RBFOX1: variants seen among roughly 807,000 people sequenced by gnomAD.
The protein encoded by RBFOX1 is RNA binding fox-1 homolog 1, also known as RNA binding protein fox-1 homolog 1.
Under a neutral mutation model 57.7 loss-of-function variants are expected in RBFOX1, and 8 were observed. That is an observed-to-expected ratio of 0.14 (90% confidence interval 0.08 to 0.25). The LOEUF is 0.25. RBFOX1 is among the 10% of genes least tolerant of loss of function. RBFOX1 has a pLI of 1.00. For missense variants in RBFOX1, 611 were observed against 548.5 expected (o/e 1.11, Z -1.14); for synonymous variants, 326 against 222.4 (o/e 1.47, Z -4.15).
chr16:7,085,696 A>T (rs996261477), intron 4 of RBFOX1, among the ~76,000 whole-genome samples: 1 of 152,204 alleles, frequency 6.6e-6, no homozygotes, highest in African/African-American at 2.4e-5. Context: ...TGTGGGGATC[A>T]TGTCCGGAGG....
At chr16:5,420,130 C>T (rs13335923) in intron 1 of RBFOX1, among the ~76,000 whole-genome samples, 2,991 of 152,160 alleles carry the variant, frequency 0.02, 114 homozygotes, top group African/African-American at 0.069. Flanking sequence ...TATACAGTGA[C>T]GGGAAAGTAA....
chr16:5,307,481 C>T (rs947434543), intron 1 of RBFOX1, among the ~76,000 whole-genome samples: 6 of 152,160 alleles, frequency 3.9e-5, no homozygotes, highest in Non-Finnish European at 2.9e-5. Context: ...TGGATTCTCT[C>T]TTACCACTTC....
At chr16:6,286,129 G>A (rs1006532214) in intron 1 of RBFOX1, among the ~76,000 whole-genome samples, 6 of 152,110 alleles carry the variant, frequency 3.9e-5, no homozygotes, top group Admixed American at 1.3e-4. Context: ...TCAAAGCAAC[G>A]CTTTGAATAA....
intron 3 of RBFOX1, among the ~76,000 whole-genome samples, chr16:6,913,217 T>C (rs2072167009): frequency 6.6e-6 from 1 of 152,188 alleles, no homozygotes; most frequent in Non-Finnish European, 1.5e-5. Context: ...AAAAACAGGG[T>C]ATCGGAAATT....
At chr16:6,760,470 A>C (rs1208857576) in intron 3 of RBFOX1, among the ~76,000 whole-genome samples, 1 of 152,364 alleles carries the variant, frequency 6.6e-6, no homozygotes, top group Admixed American at 6.5e-5. Context: ...AGAAAAAATA[A>C]GATAAAATAC....
At chr16:6,664,937 C>T (rs1459163866) in intron 3 of RBFOX1, among the ~76,000 whole-genome samples, 1 of 152,166 alleles carries the variant, frequency 6.6e-6, no homozygotes, top group Non-Finnish European at 1.5e-5. Context: ...AAAACAGGGA[C>T]AGACATCGTT....
intron 1 of RBFOX1, among the ~76,000 whole-genome samples, chr16:5,452,575 C>T (rs1343536991): frequency 6.6e-6 from 1 of 152,116 alleles, no homozygotes; most frequent in East Asian, 1.9e-4. Flanking sequence ...TGCCTTTCAC[C>T]TGCCCTGCCT....
At chr16:5,907,926 C>G (rs551524183) in intron 4 of RBFOX1, among the ~76,000 whole-genome samples, 2 of 151,562 alleles carry the variant, frequency 1.3e-5, no homozygotes, top group African/African-American at 2.4e-5. Context: ...AATTTTTTTA[C>G]TGTTAGTAGA....
intron 2 of RBFOX1, among the ~76,000 whole-genome samples, chr16:6,603,486 C>G (rs1423703678): frequency 2.0e-5 from 3 of 152,182 alleles, no homozygotes; most frequent in African/African-American, 4.8e-5. Context: ...TGCTTTAGAT[C>G]AGAGCCCTCA....
chr16:5,828,636 T>C (rs1335888722), intron 3 of RBFOX1, among the ~76,000 whole-genome samples: 1 of 151,832 alleles, frequency 6.6e-6, no homozygotes, highest in Non-Finnish European at 1.5e-5. Flanking sequence ...GAGGCAGAGG[T>C]TGCAGTGAGC....
chr16:5,466,824 C>T (rs2068968098), intron 1 of RBFOX1, among the ~76,000 whole-genome samples: 5 of 152,206 alleles, frequency 3.3e-5, no homozygotes, highest in Admixed American at 2.6e-4. Context: ...TCCTTCTTGT[C>T]ATTCCACTCT....
At chr16:5,674,890 T>C (rs1331679227) in intron 3 of RBFOX1, among the ~76,000 whole-genome samples, 2 of 152,132 alleles carry the variant, frequency 1.3e-5, no homozygotes, top group African/African-American at 4.8e-5. Context: ...CTCATGTCTG[T>C]AATCCCAGCA....
At chr16:6,023,171 TCC>T (rs1341554491) in intron 1 of RBFOX1, among the ~76,000 whole-genome samples, 3 of 152,074 alleles carry the variant, frequency 2.0e-5, no homozygotes, top group African/African-American at 7.2e-5. Context: ...TACAGAGTTT[TCC>T]ACTCAGAAAT....
At chr16:7,642,809 C>T (rs2063066185) in intron 11 of RBFOX1, among the ~76,000 whole-genome samples, 1 of 152,156 alleles carries the variant, frequency 6.6e-6, no homozygotes, top group Non-Finnish European at 1.5e-5. Flanking sequence ...CTCTTCAGGG[C>T]TTTGTCTTCT....
Position 5,582,547 on chromosome 16 carries a change from CTTTTT to C in RBFOX1, c.259-16334_259-16330del, listed in dbSNP as rs57853959. Among the ~76,000 whole-genome samples, 723 of 92,860 alleles carry C rather than the reference CTTTTT, an allele frequency of 7.8e-3. 9 individuals are homozygous for C. The highest frequency in any genetic ancestry group is 0.027 in the African/African-American group (685 of 25,292). 60.9% of individuals were successfully genotyped at this position (92,860 alleles called of 152,430 possible). ...ACCCAGGCATTTTCAAAGCACGTCACTTTTTTTTTTTTTTTTTTTTTTTTTAAACG... is the reference window on the plus strand; with the variant it reads ...ACCCAGGCATTTTCAAAGCACGTCACTTTTTTTTTTTTTTTTTTTTAAACG... On this transcript the variant is annotated intron_variant, in intron 2 of 2. Coordinates refer to the RBFOX1 transcript ENST00000585867.
intron 4 of RBFOX1, among the ~76,000 whole-genome samples, chr16:7,423,979 A>G (rs1338690561): frequency 6.6e-6 from 1 of 152,178 alleles, no homozygotes; most frequent in Non-Finnish European, 1.5e-5. Context: ...AAAAGCTAAT[A>G]GGATGGAGAA....
intron 3 of RBFOX1, among the ~76,000 whole-genome samples, chr16:5,842,213 T>G (rs915138798): frequency 2.0e-5 from 3 of 152,110 alleles, no homozygotes; most frequent in Non-Finnish European, 2.9e-5. Flanking sequence ...CTGCAGCTGT[T>G]CTCAGCACCG....
intron 4 of RBFOX1, among the ~76,000 whole-genome samples, chr16:7,346,710 T>A (rs1191447963): frequency 6.6e-6 from 1 of 152,102 alleles, no homozygotes; most frequent in Non-Finnish European, 1.5e-5. Context: ...TTACCTCTTA[T>A]CTCTGATCAA....
At chr16:7,686,950 A>T (rs1486696563) in intron 14 of RBFOX1, among the ~76,000 whole-genome samples, 1 of 152,084 alleles carries the variant, frequency 6.6e-6, no homozygotes, top group Non-Finnish European at 1.5e-5. Flanking sequence ...AGAATAGCCA[A>T]ACTGGGGAGA....
Sources: allele counts gnomAD v4.1 joint callset (sites outside exome capture counted in the v4.1 genomes callset), GRCh38; gene constraint gnomAD v4.1.1; transcripts MANE v1.5; gene names NCBI Gene and HGNC (gene_info 2026-07-23, HGNC 2026-07-21).